Variants in AGAP4 observed in about 807,000 individuals in gnomAD.
The protein encoded by AGAP4 is arf-GAP with GTPase, ANK repeat and PH domain-containing protein 4.
AGAP4 carries 13 observed loss-of-function variants against 60.7 expected under a neutral mutation model. The ratio of observed to expected loss-of-function variants is 0.21; its 90% CI spans 0.14 to 0.34. The LOEUF (loss-of-function observed/expected upper bound fraction) is 0.34. Ranked by LOEUF, AGAP4 falls within the 10% of genes least tolerant of loss-of-function variation. The pLI is 1.00. For missense variants in AGAP4, 169 were observed against 884.0 expected, an observed-to-expected ratio of 0.19 and a Z score of 10.26; for synonymous variants, 70 against 339.0, an observed-to-expected ratio of 0.21 and a Z score of 8.72.
chr10:45,842,344 C>A (rs1194056716), intron 3 of AGAP4, among the ~76,000 whole-genome samples: 39 of 150,888 alleles, frequency 2.6e-4, no homozygotes, highest in East Asian at 1.2e-3. Context: ...CAGGTTCAAG[C>A]AATTCTTCAG....
At chr10:45,846,230 AAC>A (rs1183552500) in intron 2 of AGAP4, among the ~76,000 whole-genome samples, 3 of 151,222 alleles carry the variant, frequency 2.0e-5, no homozygotes, top group Non-Finnish European at 2.9e-5. Context: ...AGAAACCCCA[AAC>A]ACACACACAC....
At chr10:45,853,882 GT>G, upstream of AGAP4, 1 of 1,219,352 alleles carries the variant, frequency 8.2e-7, no homozygotes, top group Non-Finnish European at 1.0e-6. Context: ...TATCAGTTCA[GT>G]TCAGGTCTCT....
Position 45,828,089 on chromosome 10 carries a change from TAAGA to T in AGAP4, c.534-13_534-10del. 1 of 620,788 alleles carries T rather than the reference TAAGA, an allele frequency of 1.6e-6. No homozygotes were observed. Among genetic ancestry groups the T allele is most frequent in the Non-Finnish European group, 2.8e-6 (1 of 351,600 alleles). 38.5% of individuals were successfully genotyped at this position (620,788 alleles called of 1,614,324 possible). ...AAGATCTATCTGCATCTCTATAAAA[TAAGA>T]AAGCGCATTACTTCAAAAACTGTTA... On this transcript the variant is annotated splice_polypyrimidine_tract_variant and intron_variant, in intron 6 of 7. Coordinates refer to ENST00000616763, the MANE Select transcript of AGAP4 (RefSeq NM_001276343.3).
At chr10:45,850,974 A>G (rs1270563054), upstream of AGAP4, among the ~76,000 whole-genome samples, 1 of 152,078 alleles carries the variant, frequency 6.6e-6, no homozygotes, top group Admixed American at 6.5e-5. Context: ...TAACTGGGGA[A>G]ATTTCCTAAA....
chr10:45,831,822 C>T (rs1326212036), intron 5 of AGAP4, among the ~76,000 whole-genome samples: 6 of 134,408 alleles, frequency 4.5e-5, no homozygotes, highest in African/African-American at 1.6e-4. Context: ...TCCTCACAAC[C>T]TCCACCACCC....
rs551340471 is a variant in AGAP4 at position 45,844,950 on chromosome 10, G to C, written c.293-556C>G. On this transcript the variant is annotated intron_variant, in intron 2 of 7. Transcript: ENST00000616763. ...CATTTCTTCGTTAGCAACACATAGG[G>C]AGAACATACACAGGCCTTATTTGTA... Among the ~76,000 whole-genome samples the C allele has an allele frequency of 2.6e-5, 3 of 116,512 alleles. No individual in the cohort carries two copies. In the East Asian group the frequency reaches 8.2e-4, roughly 32 times the overall value. The allele number at this position is 116,512 out of a possible 152,430, so 76.4% of individuals were successfully genotyped here. A position where few individuals can be genotyped will look rare whatever the true frequency, so the allele number is the denominator to read the frequency against.
At chr10:45,849,681 C>T (rs1297471134), upstream of AGAP4, among the ~76,000 whole-genome samples, 1 of 150,342 alleles carries the variant, frequency 6.7e-6, no homozygotes, top group Non-Finnish European at 1.5e-5. Context: ...TCTCTTGTTG[C>T]CCAGGCAGGA....
intron 2 of AGAP4, 144 bp from the exon 3 acceptor site, chr10:45,844,538 G>C (rs61857379): frequency 5.0e-5 from 69 of 1,388,922 alleles, no homozygotes; most frequent in South Asian, 3.8e-4. Context: ...AGACATAAGA[G>C]AGAGCCAGGC....
chr10:45,851,953 CCCAG>C (rs2059088554), upstream of AGAP4, among the ~76,000 whole-genome samples: 1 of 146,788 alleles, frequency 6.8e-6, no homozygotes, highest in African/African-American at 2.5e-5. Context: ...TGCTCTGTCA[CCCAG>C]GCTGGAGTGC....
At position 45,834,445 on chromosome 10, in the gene AGAP4, GC is replaced by G. The variant is rs1441115999; in HGVS notation, c.397-330del. Among the ~76,000 whole-genome samples, 4 of 139,496 alleles carry G rather than the reference GC, an allele frequency of 2.9e-5. 1 individual carries two copies. The highest frequency in any genetic ancestry group is 1.2e-4 in the African/African-American group (4 of 33,722). The allele number at this position is 139,496 out of a possible 152,430, so 91.5% of individuals were successfully genotyped here. ...AATCCTAGCACTTTGGGAGGTGGAG[GC>G]GGGCGGATCACGAGGTCAAGAGATC... is the stretch of plus-strand genomic sequence containing the variant. On this transcript the variant is annotated intron_variant, in intron 4 of 7. Coordinates refer to ENST00000616763, the MANE Select transcript of AGAP4 (RefSeq NM_001276343.3).
chr10:45,825,619 A>C lies in AGAP4; in HGVS notation c.*296T>G, dbSNP rs1445029356. 1 of 470,928 alleles carries C rather than the reference A, an allele frequency of 2.1e-6. No homozygotes were observed. 29.2% of individuals were successfully genotyped at this position (470,928 alleles called of 1,614,324 possible). ...TACAAAAATCAATGCATATTTATGA[A>C]CTTTATTTCAAATATATTTTCACAC... On this transcript the variant is annotated 3_prime_UTR_variant, in exon 8 of 8. Coordinates refer to ENST00000616763, the MANE Select transcript of AGAP4 (RefSeq NM_001276343.3).
upstream of AGAP4, among the ~76,000 whole-genome samples, chr10:45,851,028 T>C (rs1448005840): frequency 3.9e-5 from 6 of 152,018 alleles, no homozygotes; most frequent in African/African-American, 4.8e-5. Context: ...ATTAGTTTCA[T>C]GGAGCAACTT....
intron 6 of AGAP4, among the ~76,000 whole-genome samples, chr10:45,828,400 A>T (rs1413331587): frequency 6.7e-6 from 1 of 150,252 alleles, no homozygotes; most frequent in African/African-American, 2.4e-5. Flanking sequence ...AATGTTCTAC[A>T]AAGCAGTTGT....
At chr10:45,838,140 T>C (rs2058853459) in intron 4 of AGAP4, among the ~76,000 whole-genome samples, 1 of 149,794 alleles carries the variant, frequency 6.7e-6, no homozygotes, top group Non-Finnish European at 1.5e-5. Flanking sequence ...ATTCATGGCA[T>C]TCCCAGCAAC....
upstream of AGAP4, among the ~76,000 whole-genome samples, chr10:45,850,209 G>A (rs2437381): frequency 0.35 from 47,455 of 135,264 alleles, 7,241 homozygotes; most frequent in South Asian, 0.53. Context: ...GATTGCAGGC[G>A]TGAGCCACCA....
Position 45,831,449 on chromosome 10 carries a change from C to T in AGAP4, c.498-20G>A, listed in dbSNP as rs2058730750. The T allele has an allele frequency of 2.5e-6, 4 of 1,588,072 alleles. No individual in the cohort carries two copies. The South Asian group carries it at 3.3e-5, about 13-fold the overall frequency. ...GTCACACTGTGGAAGGAAAAAAATT[C>T]ATAACAATAGATGTTAACATTTGTT... On this transcript the variant is annotated intron_variant, in intron 5 of 7. Transcript: ENST00000616763.
At chr10:45,839,576 C>A (rs571200367) in intron 4 of AGAP4, among the ~76,000 whole-genome samples, 3 of 129,636 alleles carry the variant, frequency 2.3e-5, no homozygotes, top group African/African-American at 8.4e-5. Flanking sequence ...ACTTTCCAGG[C>A]AGAAAACTGG....
At chr10:45,853,849 T>C (rs1353988783) in exon 1 of AGAP4, 1 of 1,261,396 alleles carries the variant, frequency 7.9e-7, no homozygotes, top group African/African-American at 1.5e-5. Context: ...CTATTCTCAT[T>C]ACCTCAGCCA....
upstream of AGAP4, among the ~76,000 whole-genome samples, chr10:45,851,410 A>C (rs1249836347): frequency 6.6e-6 from 1 of 152,046 alleles, no homozygotes; most frequent in Non-Finnish European, 1.5e-5. Flanking sequence ...AACATGTATT[A>C]TCCCAATGCA....
Sources: gnomAD v4.1 joint callset for allele counts (sites outside exome capture counted in the v4.1 genomes callset) on GRCh38, gnomAD v4.1.1 for gene constraint, MANE v1.5 for transcripts, NCBI Gene and HGNC (gene_info 2026-07-23, HGNC 2026-07-21) for gene names.